The following MYO16 variants were observed in gnomAD, a reference collection of about 807,000 sequenced individuals.
The protein encoded by MYO16 is myosin XVI.
A neutral mutation model predicts 205.3 loss-of-function variants in MYO16; 94 were observed. The observed-to-expected ratio is 0.46, with a 90% confidence interval of 0.39 to 0.54. The LOEUF is 0.54. MYO16 is among the 20% of genes least tolerant of loss of function. MYO16 has a pLI of 0.00. For synonymous variants in MYO16, 988 were observed against 954.0 expected, an observed-to-expected ratio of 1.04 and a Z score of -0.66; for missense variants, 2,315 against 2,387.5, an observed-to-expected ratio of 0.97 and a Z score of 0.63.
rs375854104 is a variant in MYO16, at chr13:108,928,091, G to A, written c.1925+17941G>A. 3.0e-4 allele frequency among the ~76,000 whole-genome samples: 45 copies of A among 152,278 alleles called. 1 individual carries two copies. The East Asian group carries it at 7.9e-3, about 27-fold the overall frequency. ...ACAGTCACATCTTCCAACAGATGCCGATGCGCTTGCCTTCTGGGGCTTTTC... is the reference window on the plus strand; with the variant it reads ...ACAGTCACATCTTCCAACAGATGCCAATGCGCTTGCCTTCTGGGGCTTTTC... On this transcript the variant is annotated intron_variant, in intron 16 of 34. Coordinates refer to ENST00000457511, the MANE Select transcript of MYO16 (RefSeq NM_001198950.3).
chr13:108,686,203 C>G (rs1274034069), intron 2 of MYO16, among the ~76,000 whole-genome samples: 2 of 152,122 alleles, frequency 1.3e-5, no homozygotes, highest in Non-Finnish European at 2.9e-5. Flanking sequence ...GATGAGCATC[C>G]CTGTCATACT....
chr13:108,762,614 C>T (rs993065494), intron 4 of MYO16, among the ~76,000 whole-genome samples: 6 of 152,074 alleles, frequency 3.9e-5, no homozygotes, highest in Admixed American at 2.0e-4. Context: ...GAAAATATCT[C>T]GAAGGTGGCA....
chr13:109,038,107 C>T (rs909225348), intron 23 of MYO16, among the ~76,000 whole-genome samples: 3 of 152,222 alleles, frequency 2.0e-5, no homozygotes, highest in Non-Finnish European at 4.4e-5. Flanking sequence ...AGGGATCCAA[C>T]ATGATCGATC....
At chr13:108,631,037 C>G (rs550776613) in intron 1 of MYO16, among the ~76,000 whole-genome samples, 24 of 152,128 alleles carry the variant, frequency 1.6e-4, no homozygotes, top group Non-Finnish European at 3.2e-4. Flanking sequence ...GAATTAGAGG[C>G]ATGCAGCGTA....
intron 33 of MYO16, among the ~76,000 whole-genome samples, chr13:109,176,582 A>AAAAAAAAAAAAAAC (rs1879194459): frequency 6.9e-6 from 1 of 143,900 alleles, no homozygotes; most frequent in African/African-American, 2.6e-5. Context: ...GCTGGTAAAA[A>AAAAAAAAAAAAAAC]AAAAAAAAAA....
chr13:108,626,252 C>T (rs1485955007), upstream of MYO16, among the ~76,000 whole-genome samples: 1 of 151,908 alleles, frequency 6.6e-6, no homozygotes, highest in African/African-American at 2.4e-5. Flanking sequence ...CTTGATTATT[C>T]AAAAATGAGT....
chr13:108,927,658 T>C (rs549305056), intron 16 of MYO16, among the ~76,000 whole-genome samples: 54 of 152,254 alleles, frequency 3.5e-4, no homozygotes, highest in Non-Finnish European at 6.9e-4. Flanking sequence ...ACATGCCACA[T>C]GCTCTGCAGC....
chr13:109,058,448 C>G (rs1435216823), intron 27 of MYO16, among the ~76,000 whole-genome samples: 1 of 152,080 alleles, frequency 6.6e-6, no homozygotes, highest in African/African-American at 2.4e-5. Context: ...AAGCTAATAC[C>G]ATAATAAAGC....
intron 17 of MYO16, among the ~76,000 whole-genome samples, chr13:108,959,495 C>T (rs1883501751): frequency 6.6e-6 from 1 of 152,206 alleles, no homozygotes; most frequent in Non-Finnish European, 1.5e-5. Flanking sequence ...CAGGGAGACT[C>T]ATAGCCTTCT....
intron 2 of MYO16, among the ~76,000 whole-genome samples, chr13:108,696,678 A>G (rs1883102953): frequency 6.6e-6 from 1 of 152,156 alleles, no homozygotes; most frequent in Admixed American, 6.5e-5. Context: ...AGGTGTATAT[A>G]CAGGTAAACA....
At chr13:108,529,318 G>T in the MYO16 span, among the ~76,000 whole-genome samples, 3 of 152,148 alleles carry the variant, frequency 2.0e-5, no homozygotes, top group Non-Finnish European at 4.4e-5. Context: ...ACTAGCATGA[G>T]CCTTGAGGAG....
chr13:109,094,115 G>A (rs1250895301), intron 27 of MYO16, among the ~76,000 whole-genome samples: 1 of 152,170 alleles, frequency 6.6e-6, no homozygotes, highest in Non-Finnish European at 1.5e-5. Context: ...CCCCAGAGAA[G>A]CCACAGCTTC....
chr13:108,609,229 C>T (rs1051996554), intron 1 of MYO16, among the ~76,000 whole-genome samples: 2 of 152,134 alleles, frequency 1.3e-5, no homozygotes, highest in Non-Finnish European at 2.9e-5. Flanking sequence ...CCCAGCCCTT[C>T]TTCTTATTCT....
chr13:109,008,790 G>A (rs1352037484), intron 21 of MYO16, 107 bp from the exon 22 acceptor site: 1 of 583,092 alleles, frequency 1.7e-6, no homozygotes, highest in African/African-American at 1.9e-5. Flanking sequence ...TATCTATCTT[G>A]TGTATGCACT....
intron 4 of MYO16, among the ~76,000 whole-genome samples, chr13:108,747,732 A>G (rs1177528975): frequency 6.6e-6 from 1 of 152,146 alleles, no homozygotes. Context: ...TAAAAGAAAC[A>G]GATCATTGGT....
chr13:108,755,595 T>A (rs1885397665), intron 4 of MYO16, among the ~76,000 whole-genome samples: 1 of 151,914 alleles, frequency 6.6e-6, no homozygotes, highest in African/African-American at 2.4e-5. Context: ...AAAAATATAA[T>A]TATTTTAGTA....
At chr13:108,976,584 G>C (rs1487839923) in intron 20 of MYO16, among the ~76,000 whole-genome samples, 1 of 152,136 alleles carries the variant, frequency 6.6e-6, no homozygotes, top group East Asian at 1.9e-4. Flanking sequence ...CCATTTATGA[G>C]TAATTGAGTG....
At chr13:109,115,091 A>G (rs566770023) in intron 28 of MYO16, among the ~76,000 whole-genome samples, 2 of 152,092 alleles carry the variant, frequency 1.3e-5, no homozygotes, top group East Asian at 1.9e-4. Flanking sequence ...ACTGCCAGAA[A>G]CACTCAGCAC....
intron 27 of MYO16, among the ~76,000 whole-genome samples, chr13:109,073,133 G>A (rs189551154): frequency 4.1e-5 from 6 of 147,728 alleles, no homozygotes; most frequent in Admixed American, 6.9e-5. Context: ...ATGGAGTCTC[G>A]TCCTGTCACC....
Sources: gnomAD v4.1 joint callset for allele counts (sites outside exome capture counted in the v4.1 genomes callset) on GRCh38, gnomAD v4.1.1 for gene constraint, MANE v1.5 for transcripts, NCBI Gene and HGNC (gene_info 2026-07-23, HGNC 2026-07-21) for gene names.